ADAMTS18: variants seen among roughly 807,000 people sequenced by gnomAD.
ADAMTS18 encodes ADAM metallopeptidase with thrombospondin type 1 motif 18, also known as A disintegrin and metalloproteinase with thrombospondin motifs 18.
In ADAMTS18, 157 loss-of-function variants were observed where a neutral mutation model predicts 165.9. The observed-to-expected ratio is 0.95, with a 90% CI of 0.83 to 1.08. ADAMTS18 has a LOEUF of 1.08. Ranked by LOEUF, ADAMTS18 falls within the 50% of genes least tolerant of loss-of-function variation. The pLI is 0.00. For synonymous variants in ADAMTS18, 782 were observed against 578.2 expected, an observed-to-expected ratio of 1.35 and a Z score of -5.06; for missense variants, 2,040 against 1,534.0, an observed-to-expected ratio of 1.33 and a Z score of -5.51.
At chr16:77,398,850 A>AAG (rs1214318637) in intron 3 of ADAMTS18, among the ~76,000 whole-genome samples, 2 of 152,196 alleles carry the variant, frequency 1.3e-5, no homozygotes, top group Non-Finnish European at 2.9e-5. Flanking sequence ...GTGTAAGTTT[A>AAG]AGACCTAAAG....
chr16:77,288,261 A>C (rs934127826), intron 22 of ADAMTS18, among the ~76,000 whole-genome samples: 3 of 152,048 alleles, frequency 2.0e-5, no homozygotes, highest in Admixed American at 6.6e-5. Context: ...TCTAGGCTGA[A>C]TCTTTCTTTG....
intron 3 of ADAMTS18, among the ~76,000 whole-genome samples, chr16:77,370,931 T>C (rs765534076): frequency 1.3e-5 from 2 of 152,174 alleles, no homozygotes; most frequent in African/African-American, 2.4e-5. Context: ...TCTGTGTTCA[T>C]GGATTGAAAG....
intron 12 of ADAMTS18, among the ~76,000 whole-genome samples, chr16:77,329,654 A>ACATTT (rs1278534625): frequency 6.6e-6 from 1 of 152,196 alleles, no homozygotes; most frequent in Non-Finnish European, 1.5e-5. Flanking sequence ...ATATACTAAT[A>ACATTT]CATTTCATTT....
intron 19 of ADAMTS18, among the ~76,000 whole-genome samples, chr16:77,294,152 C>G (rs189617247): frequency 1.6e-3 from 243 of 152,158 alleles, no homozygotes; most frequent in Non-Finnish European, 2.2e-3. Flanking sequence ...TTCATTCTTC[C>G]CCATAATTTG....
intron 3 of ADAMTS18, among the ~76,000 whole-genome samples, chr16:77,378,468 A>G (rs2056985540): frequency 6.6e-6 from 1 of 152,158 alleles, no homozygotes; most frequent in African/African-American, 2.4e-5. Context: ...TAATCCCAGC[A>G]TGTTGGGAGG....
chr16:77,328,668 G>A (rs960603838), intron 12 of ADAMTS18, among the ~76,000 whole-genome samples: 3 of 152,030 alleles, frequency 2.0e-5, no homozygotes, highest in South Asian at 2.1e-4. Context: ...TCAATATTCC[G>A]GTCATCTTTA....
chr16:77,287,956 A>G (rs1203311320), intron 22 of ADAMTS18, among the ~76,000 whole-genome samples: 3 of 152,138 alleles, frequency 2.0e-5, no homozygotes, highest in Non-Finnish European at 4.4e-5. Flanking sequence ...TCATCCCTAG[A>G]AGAGTGCTGG....
intron 9 of ADAMTS18, among the ~76,000 whole-genome samples, chr16:77,354,117 C>A (rs902078803): frequency 3.3e-4 from 50 of 152,080 alleles, no homozygotes; most frequent in African/African-American, 1.2e-3. Context: ...TCTAGTCATC[C>A]AAGTGATTTG....
intron 3 of ADAMTS18, among the ~76,000 whole-genome samples, chr16:77,429,461 A>T (rs1393644728): frequency 6.6e-6 from 1 of 152,166 alleles, no homozygotes; most frequent in Non-Finnish European, 1.5e-5. Flanking sequence ...AAGATAGAGG[A>T]ACAGAAAAGA....
intron 11 of ADAMTS18, among the ~76,000 whole-genome samples, chr16:77,340,210 T>A (rs1383191937): frequency 3.3e-5 from 5 of 152,226 alleles, no homozygotes; most frequent in African/African-American, 4.8e-5. Flanking sequence ...AGTCTTGCTC[T>A]GTCACCCAGG....
chr16:77,391,438 G>A (rs1266793166), intron 3 of ADAMTS18, among the ~76,000 whole-genome samples: 3 of 151,274 alleles, frequency 2.0e-5, no homozygotes, highest in Non-Finnish European at 1.5e-5. Context: ...TTGCAGTTAA[G>A]TCGAGATCAC....
chr16:77,367,528 G>C lies in ADAMTS18; in HGVS notation c.691C>G (p.His231Asp). ...CGACTCTGAGATGCATGGGGAATGT[G>C]ACTTGGGGAGTAACCAGGATAATTC... ...GRNYPGYSPS[H>D]IPHASQSRET... The change falls in exon 4 of 23, where the codon CAC becomes GAC. Residue 231 changes from histidine (H) to aspartate (D), a missense_variant. Transcript: ENST00000282849. The C allele has an allele frequency of 6.2e-7, 1 of 1,614,260 alleles. No homozygotes were observed. The highest frequency in any genetic ancestry group is 8.5e-7 in the Non-Finnish European group (1 of 1,180,040).
chr16:77,306,480 C>G (rs1463902244), intron 16 of ADAMTS18, among the ~76,000 whole-genome samples: 1 of 152,142 alleles, frequency 6.6e-6, no homozygotes, highest in African/African-American at 2.4e-5. Context: ...TCTTTCGTCC[C>G]CACTTTTAAT....
At chr16:77,403,716 T>A (rs1476234501) in intron 3 of ADAMTS18, among the ~76,000 whole-genome samples, 1 of 152,174 alleles carries the variant, frequency 6.6e-6, no homozygotes, top group Non-Finnish European at 1.5e-5. Flanking sequence ...AAAATAGATA[T>A]GTTGAATATT....
At chr16:77,421,553 C>T (rs1166971985) in intron 3 of ADAMTS18, among the ~76,000 whole-genome samples, 3 of 152,212 alleles carry the variant, frequency 2.0e-5, no homozygotes, top group African/African-American at 7.2e-5. Context: ...TTAGGGTCTT[C>T]TGGAGAGAAC....
At chr16:77,407,150 G>A (rs2057403151) in intron 3 of ADAMTS18, among the ~76,000 whole-genome samples, 1 of 151,986 alleles carries the variant, frequency 6.6e-6, no homozygotes, top group Non-Finnish European at 1.5e-5. Context: ...AAGTGAGAGT[G>A]TTCTTAATAA....
chr16:77,416,478 T>C (rs567117998), intron 3 of ADAMTS18, among the ~76,000 whole-genome samples: 46 of 152,250 alleles, frequency 3.0e-4, no homozygotes, highest in African/African-American at 1.1e-3. Context: ...CCCATACTGT[T>C]CTCATGGTAG....
chr16:77,301,838 T>A (rs573670555), intron 16 of ADAMTS18, among the ~76,000 whole-genome samples: 121 of 152,280 alleles, frequency 7.9e-4, no homozygotes, highest in Non-Finnish European at 1.5e-3. Context: ...AATAATCAAA[T>A]GTTAATAGAT....
At chr16:77,345,788 T>C (rs1225340965) in intron 10 of ADAMTS18, among the ~76,000 whole-genome samples, 1 of 152,232 alleles carries the variant, frequency 6.6e-6, no homozygotes, top group Non-Finnish European at 1.5e-5. Flanking sequence ...AGAGTTCTGC[T>C]GGATGGCACT....
Sources: gnomAD v4.1 joint callset for allele counts (sites outside exome capture counted in the v4.1 genomes callset) on GRCh38, gnomAD v4.1.1 for gene constraint, MANE v1.5 for transcripts, NCBI Gene and HGNC (gene_info 2026-07-23, HGNC 2026-07-21) for gene names.